ABCC8: variants seen among roughly 807,000 people sequenced by gnomAD.
ABCC8 encodes the protein ATP-binding cassette sub-family C member 8.
ABCC8 carries 137 observed loss-of-function variants against 188.0 expected under a neutral mutation model. The ratio of observed to expected loss-of-function variants is 0.73; its 90% CI spans 0.63 to 0.84. ABCC8 has a LOEUF of 0.84. ABCC8 is among the 40% of genes least tolerant of loss of function. ABCC8 has a pLI of 0.00. For missense variants in ABCC8, 1,750 were observed against 2,072.7 expected, an observed-to-expected ratio of 0.84 and a Z score of 3.02; for synonymous variants, 797 against 846.5, an observed-to-expected ratio of 0.94 and a Z score of 1.01.
In ABCC8 at chr11:17,427,581, C is replaced by T. The variant is rs1262717288; in HGVS notation, c.2116+286G>A. Reference sequence around the variant, plus strand: ...TCAGAAACCCCATCACTTCCACTTGCGTTCCTTGGCTACCCACTTCTGATC... The same window carrying T: ...TCAGAAACCCCATCACTTCCACTTGTGTTCCTTGGCTACCCACTTCTGATC... On this transcript the variant is annotated intron_variant, in intron 15 of 38. Transcript: ENST00000389817. This position sits in a 1 kb window ranked among gnomAD's most constrained non-coding sequence, Gnocchi z 5.0. Among the ~76,000 whole-genome samples the T allele has an allele frequency of 3.3e-5, 5 of 152,202 alleles. No individual in the cohort carries two copies. Among genetic ancestry groups the T allele is most frequent in the South Asian group, 4.1e-4 (2 of 4,830 alleles).
In ABCC8 at chr11:17,393,754, G is replaced by A; in HGVS notation, c.4551C>T (p.Asn1517=). 1 of 1,614,128 alleles carries A rather than the reference G, an allele frequency of 6.2e-7. No individual in the cohort carries two copies. Among genetic ancestry groups the A allele is most frequent in the East Asian group, 2.2e-5 (1 of 44,888 alleles). The change falls in exon 38 of 39, where the codon AAC becomes AAT. Residue 1517 remains asparagine (N), a synonymous_variant. Transcript: ENST00000389817. ...ATASIDMATE[N]ILQKVVMTAF... ...CTGTCATCACCACCTTTTGGAGGAT[G>A]TTTTCCTGCCAAGTGGGGGCAACAG...
In ABCC8 at chr11:17,437,050, C is replaced by T. The variant is rs190781576; in HGVS notation, c.1631-4806G>A. Among the ~76,000 whole-genome samples, 399 of 142,692 alleles carry T rather than the reference C, an allele frequency of 2.8e-3. 1 individual carries two copies. The highest frequency in any genetic ancestry group is 0.01 in the African/African-American group (385 of 37,582). 93.6% of individuals were successfully genotyped at this position (142,692 alleles called of 152,430 possible). On this transcript the variant is annotated intron_variant, in intron 10 of 38. Transcript: ENST00000389817. ...AGGTTGCAGTGAGCCGAGATCGCGC[C>T]ACTGCACTCCAGCCTGGGCAACAAG...
chr11:17,408,479 A>T lies in ABCC8; in HGVS notation c.2733T>A (p.Gly911=). 1 of 1,613,436 alleles carries T rather than the reference A, an allele frequency of 6.2e-7. No individual in the cohort carries two copies. Among genetic ancestry groups the T allele is most frequent in the African/African-American group, 1.3e-5 (1 of 74,930 alleles). The change falls in exon 23 of 39, where the codon GGT becomes GGA. Residue 911 remains glycine (G), a synonymous_variant. Transcript: ENST00000389817. ...AMKDGTIQRE[G]TLKDFQRSEC... ...CAGACCTCTGGAAGTCCTTGAGGGTACCCTCCCTCTGGATGGTGCCATCCT... is the reference window on the plus strand; with the variant it reads ...CAGACCTCTGGAAGTCCTTGAGGGTTCCCTCCCTCTGGATGGTGCCATCCT...
chr11:17,415,404 C>T lies in ABCC8; in HGVS notation c.2256-65G>A, dbSNP rs12293228. On this transcript the variant is annotated intron_variant, in intron 17 of 38. Transcript: ENST00000389817. ...AGTGAACCATATCCTCCAGGAAGAT[C>T]CTGAGCTCCCTCCAACCCAACATGA... 0.12 allele frequency: 183,725 copies of T among 1,577,212 alleles called. 16,370 individuals carry two copies. The highest frequency in any genetic ancestry group is 0.48 in the African/African-American group (35,619 of 74,710).
intron 12 of ABCC8, chr11:17,428,928 G>T: frequency 1.7e-6 from 1 of 591,742 alleles, no homozygotes; most frequent in Non-Finnish European, 2.9e-6. Context: ...GGTTAATGTT[G>T]AAGTTAGTTA....
intron 29 of ABCC8, among the ~76,000 whole-genome samples, chr11:17,402,285 G>A (rs964418176): frequency 5.3e-5 from 8 of 152,162 alleles, no homozygotes; most frequent in Non-Finnish European, 7.4e-5. Flanking sequence ...GGATTGGCCT[G>A]TACAGTACTC....
At chr11:17,398,480 G>T (rs763718966) in intron 29 of ABCC8, 39 bp from the exon 30 acceptor site, 2 of 1,612,132 alleles carry the variant, frequency 1.2e-6, no homozygotes, top group Middle Eastern at 1.7e-4. Flanking sequence ...GAACAGTGTT[G>T]GTCCACATAG....
chr11:17,463,619 T>C lies in ABCC8; in HGVS notation c.413-15A>G, dbSNP rs758744263. On this transcript the variant is annotated splice_polypyrimidine_tract_variant and intron_variant, in intron 3 of 38. Coordinates refer to ENST00000389817, the MANE Select transcript of ABCC8 (RefSeq NM_000352.6). ...CACCAGCAGGGCTGCCGAGGAGAGA[T>C]GGAAGATCGCAGAGACGTGTGTGCA... The C allele has an allele frequency of 1.7e-5, 26 of 1,564,826 alleles. No homozygotes were observed. The highest frequency in any genetic ancestry group is 3.3e-4 in the Middle Eastern group (2 of 6,010).
chr11:17,444,182 A>G (rs1956432997), intron 8 of ABCC8: 1 of 152,214 alleles, frequency 6.6e-6, no homozygotes, highest in African/African-American at 2.4e-5. Context: ...GAGGTATCTT[A>G]GAGGCTGGGA....
At position 17,395,726 on chromosome 11, in the gene ABCC8, G is replaced by A. The variant is rs886048048; in HGVS notation, c.4199-8C>T. 6.4e-7 allele frequency: 1 copy of A among 1,553,066 alleles called. No homozygotes were observed. ...CATCAATGATGATGTGCCCTGCATG[G>A]GTCCCAGTGAGGGTGCAGGGGAAGG... On this transcript the variant is annotated splice_polypyrimidine_tract_variant and splice_region_variant and intron_variant, in intron 34 of 38. Coordinates refer to ENST00000389817, the MANE Select transcript of ABCC8 (RefSeq NM_000352.6).
intron 27 of ABCC8, 105 bp downstream of exon 27, chr11:17,405,389 G>A: frequency 1.3e-6 from 2 of 1,541,074 alleles, no homozygotes; most frequent in South Asian, 1.1e-5. Context: ...TCTTCCCAGA[G>A]GGCTGTGATC....
At chr11:17,447,691 C>G (rs1956591377) in intron 8 of ABCC8, among the ~76,000 whole-genome samples, 1 of 152,178 alleles carries the variant, frequency 6.6e-6, no homozygotes, top group Non-Finnish European at 1.5e-5. Context: ...CCTCTGCCTC[C>G]TGGACTTTAG....
At chr11:17,431,012 C>T in intron 11 of ABCC8, 53 bp from the exon 12 acceptor site, 1 of 1,602,484 alleles carries the variant, frequency 6.2e-7, no homozygotes, top group Non-Finnish European at 8.5e-7. Flanking sequence ...TGGGTCCCTC[C>T]CACACTGGAA....
At chr11:17,408,910 G>A (rs893172741) in intron 22 of ABCC8, among the ~76,000 whole-genome samples, 1 of 151,708 alleles carries the variant, frequency 6.6e-6, no homozygotes, top group African/African-American at 2.4e-5. Flanking sequence ...AGCACCTGCT[G>A]GTCTAAGTGT....
chr11:17,463,452 C>T lies in ABCC8; in HGVS notation c.565G>A (p.Val189Ile), dbSNP rs1201936346. The T allele has an allele frequency of 5.6e-6, 9 of 1,605,042 alleles. No individual in the cohort carries two copies. Among genetic ancestry groups the T allele is most frequent in the South Asian group, 1.1e-5 (1 of 88,816 alleles). The change falls in exon 4 of 39, where the codon GTC (valine) becomes ATC (isoleucine). Residue 189 changes from valine to isoleucine, a missense_variant. Coordinates refer to ENST00000389817, the MANE Select transcript of ABCC8 (RefSeq NM_000352.6). Reference sequence around the variant, plus strand: ...GGCCTGCTTACCCTCACCCTGATGACATTGACCTCCACGAGGAGCAGCATC... The same window carrying T: ...GGCCTGCTTACCCTCACCCTGATGATATTGACCTCCACGAGGAGCAGCATC... ...YGMLLLVEVNVIRVRRYIFFK... is the reference protein window; with the variant it reads ...YGMLLLVEVNIIRVRRYIFFK...
At chr11:17,436,139 G>T (rs561805147) in intron 10 of ABCC8, 148 of 769,504 alleles carry the variant, frequency 1.9e-4, no homozygotes, top group Admixed American at 2.2e-4. Context: ...AAGTGGGCTC[G>T]GAGGCAATGA....
chr11:17,467,461 T>C (rs992468947), intron 3 of ABCC8, among the ~76,000 whole-genome samples: 4 of 152,214 alleles, frequency 2.6e-5, no homozygotes, highest in Non-Finnish European at 5.9e-5. Context: ...CTTCTTCTTC[T>C]GAATTTTCTA....
At chr11:17,453,631 T>A (rs984104188) in intron 6 of ABCC8, among the ~76,000 whole-genome samples, 2 of 152,126 alleles carry the variant, frequency 1.3e-5, no homozygotes, top group Admixed American at 6.5e-5. Flanking sequence ...ACCTAAAACC[T>A]GAACTGGTAC....
chr11:17,438,492 G>GGGTAT (rs1374661020), intron 10 of ABCC8, among the ~76,000 whole-genome samples: 1 of 152,174 alleles, frequency 6.6e-6, no homozygotes, highest in Non-Finnish European at 1.5e-5. Flanking sequence ...CAGAGGAAGC[G>GGGTAT]CTCTGGAATG....
Sources: allele counts gnomAD v4.1 joint callset (sites outside exome capture counted in the v4.1 genomes callset), GRCh38; gene constraint gnomAD v4.1.1; non-coding constraint Gnocchi (gnomAD v3.1); transcripts MANE v1.5; gene names NCBI Gene and HGNC (gene_info 2026-07-23, HGNC 2026-07-21).